Variants in TEX36 observed in about 807,000 individuals in gnomAD.
TEX36 encodes testis expressed 36.
A neutral mutation model predicts 13.6 loss-of-function variants in TEX36; 12 were observed. That is an observed-to-expected ratio of 0.88 (90% CI 0.56 to 1.43). TEX36 has a LOEUF of 1.43. Among genes scored for constraint, TEX36 ranks in the 40% most tolerant of loss-of-function variants. The probability of loss-of-function intolerance (pLI) is 0.00; values close to 1 mark genes in which losing one functional copy is unlikely to be tolerated. For synonymous variants in TEX36, 93 were observed against 83.0 expected (o/e 1.12, Z -0.65); for missense variants, 224 against 228.3 (o/e 0.98, Z 0.12).
At chr10:125,652,359 C>T (rs527936038), downstream of TEX36, among the ~76,000 whole-genome samples, 94 of 152,260 alleles carry the variant, frequency 6.2e-4, no homozygotes, top group Non-Finnish European at 1.1e-3. Context: ...TGATCTTTGA[C>T]AAACCTGACA....
chr10:125,585,205 G>A (rs1025262487), intron 3 of TEX36, among the ~76,000 whole-genome samples: 4 of 152,180 alleles, frequency 2.6e-5, no homozygotes, highest in African/African-American at 7.2e-5. Context: ...CTGGCTTAAG[G>A]TGTGTCCCGA....
downstream of TEX36, among the ~76,000 whole-genome samples, chr10:125,619,896 C>CAT (rs747068964): frequency 8.5e-4 from 127 of 150,218 alleles, no homozygotes; most frequent in African/African-American, 2.1e-3. Context: ...TATATGTGTG[C>CAT]ATATATATAT....
intron 3 of TEX36, among the ~76,000 whole-genome samples, chr10:125,587,810 A>G (rs1443635977): frequency 7.0e-6 from 1 of 143,546 alleles, no homozygotes; most frequent in African/African-American, 2.5e-5. Flanking sequence ...AAAAAAAAAG[A>G]CACTTTATAC....
intron 3 of TEX36, among the ~76,000 whole-genome samples, chr10:125,600,560 G>A (rs1846133561): frequency 6.6e-6 from 1 of 152,098 alleles, no homozygotes; most frequent in Admixed American, 6.6e-5. Flanking sequence ...TCAGAAAAAA[G>A]AAAGCCCTTG....
Position 125,683,083 on chromosome 10 carries a change from T to G in TEX36, c.-94A>C. The G allele has an allele frequency of 1.5e-6, 2 of 1,372,550 alleles. No individual in the cohort carries two copies. The highest frequency in any genetic ancestry group is 2.5e-5 in the East Asian group (1 of 40,058). The allele number at this position is 1,372,550 out of a possible 1,614,324, so 85.0% of individuals were successfully genotyped here. On this transcript the variant is annotated 5_prime_UTR_variant, in exon 1 of 4. Coordinates refer to ENST00000368821, the MANE Select transcript of TEX36 (RefSeq NM_001128202.3). Reference sequence around the variant, plus strand: ...AAGCTGCTTCCTAAACTTCATAAGCTCTACACGTCTGGGAAGCTCCTCCTC... The same window carrying G: ...AAGCTGCTTCCTAAACTTCATAAGCGCTACACGTCTGGGAAGCTCCTCCTC...
chr10:125,621,099 C>T (rs1162428249), downstream of TEX36, among the ~76,000 whole-genome samples: 2 of 152,122 alleles, frequency 1.3e-5, no homozygotes, highest in African/African-American at 4.8e-5. Context: ...TATACAGATA[C>T]AGTATCCCCA....
chr10:125,664,032 C>T (rs571526710), intron 1 of TEX36, among the ~76,000 whole-genome samples: 43 of 152,296 alleles, frequency 2.8e-4, no homozygotes, highest in African/African-American at 1.0e-3. Context: ...CATCATTCTA[C>T]TCTCTATGAG....
intron 3 of TEX36, among the ~76,000 whole-genome samples, chr10:125,598,289 C>G (rs549838498): frequency 1.6e-3 from 251 of 152,312 alleles, no homozygotes; most frequent in Admixed American, 2.8e-3. Context: ...TATGTGTAAG[C>G]TCACCACAAC....
At chr10:125,590,958 C>T (rs1007142106) in intron 3 of TEX36, among the ~76,000 whole-genome samples, 1 of 152,088 alleles carries the variant, frequency 6.6e-6, no homozygotes, top group Non-Finnish European at 1.5e-5. Flanking sequence ...GAGTAATGTT[C>T]GTGGGATATA....
intron 3 of TEX36, among the ~76,000 whole-genome samples, chr10:125,637,073 A>C (rs1306780056): frequency 6.6e-6 from 1 of 152,008 alleles, no homozygotes; most frequent in Non-Finnish European, 1.5e-5. Flanking sequence ...AGGCAGAGGC[A>C]AGCAAATCAC....
chr10:125,633,732 GT>G (rs1410600531), intron 3 of TEX36, among the ~76,000 whole-genome samples: 2 of 152,218 alleles, frequency 1.3e-5, no homozygotes, highest in African/African-American at 4.8e-5. Flanking sequence ...AAAGACCGTT[GT>G]TGGAAGGATT....
chr10:125,619,206 A>G (rs141304697), downstream of TEX36, among the ~76,000 whole-genome samples: 2 of 152,292 alleles, frequency 1.3e-5, no homozygotes, highest in African/African-American at 2.4e-5. Flanking sequence ...TTGCACCAAG[A>G]CAGATCGTGG....
intron 3 of TEX36, among the ~76,000 whole-genome samples, chr10:125,588,889 T>C (rs929989051): frequency 1.3e-5 from 2 of 152,192 alleles, no homozygotes; most frequent in South Asian, 4.1e-4. Flanking sequence ...GTGCTGGGAT[T>C]GCAGGCGTGA....
chr10:125,610,438 A>G (rs1846275109), intron 3 of TEX36, among the ~76,000 whole-genome samples: 1 of 152,050 alleles, frequency 6.6e-6, no homozygotes, highest in African/African-American at 2.4e-5. Flanking sequence ...ACTGCACCTG[A>G]AGTCTTGTTA....
At chr10:125,606,840 C>A (rs1001849533) in intron 3 of TEX36, among the ~76,000 whole-genome samples, 1 of 152,054 alleles carries the variant, frequency 6.6e-6, no homozygotes, top group African/African-American at 2.4e-5. Context: ...CTGTGAAATC[C>A]TCACAATAAT....
At chr10:125,675,388 A>G (rs1289735084) in intron 1 of TEX36, among the ~76,000 whole-genome samples, 1 of 150,730 alleles carries the variant, frequency 6.6e-6, no homozygotes, top group African/African-American at 2.4e-5. Flanking sequence ...TGGGGAGTTC[A>G]GTCGTCTTAG....
chr10:125,647,858 C>T (rs1589771467), intron 3 of TEX36, among the ~76,000 whole-genome samples: 1 of 152,216 alleles, frequency 6.6e-6, no homozygotes, highest in East Asian at 1.9e-4. Flanking sequence ...GAGATTATAT[C>T]CCGCGCCTGG....
intron 1 of TEX36, among the ~76,000 whole-genome samples, chr10:125,664,201 A>T (rs1294791578): frequency 6.6e-6 from 1 of 152,134 alleles, no homozygotes; most frequent in Non-Finnish European, 1.5e-5. Flanking sequence ...ATAGTACTTC[A>T]TTTTGTATGT....
rs140700999 is a variant in TEX36 at position 125,624,751 on chromosome 10, C to T, written c.265-3106G>A. Among the ~76,000 whole-genome samples the T allele has an allele frequency of 1.4e-3, 214 of 151,388 alleles. 1 individual carries two copies. Among genetic ancestry groups the T allele is most frequent in the Admixed American group, 2.7e-3 (41 of 15,218 alleles). On this transcript the variant is annotated intron_variant, in intron 3 of 3. Coordinates refer to the TEX36 transcript ENST00000526819. ...TGAATTTTAAAGGAGTGTTGTCCAG[C>T]GCACTTGGGGAAATGGCACAGAGGG...
Sources: allele counts gnomAD v4.1 joint callset (sites outside exome capture counted in the v4.1 genomes callset), GRCh38; gene constraint gnomAD v4.1.1; transcripts MANE v1.5; gene names NCBI Gene and HGNC (gene_info 2026-07-23, HGNC 2026-07-21).